EXPH5: variants seen among roughly 807,000 people sequenced by gnomAD.
EXPH5 encodes the protein exophilin-5.
A neutral mutation model predicts 41.1 loss-of-function variants in EXPH5; 42 were observed. That is an observed-to-expected ratio of 1.02 (90% confidence interval 0.80 to 1.32). The LOEUF (loss-of-function observed/expected upper bound fraction) is 1.32, where lower values mean the gene tolerates loss of function less well. Among genes scored for constraint, EXPH5 ranks in the 40% most tolerant of loss-of-function variants. EXPH5 has a pLI of 0.00. For missense variants in EXPH5, 2,298 were observed against 2,314.5 expected, an observed-to-expected ratio of 0.99 and a Z score of 0.15; for synonymous variants, 798 against 833.5, an observed-to-expected ratio of 0.96 and a Z score of 0.73.
chr11:108,512,925 T>C lies in EXPH5; in HGVS notation c.2582A>G (p.Tyr861Cys), dbSNP rs1282511716. The C allele has an allele frequency of 1.2e-6, 2 of 1,613,330 alleles. No homozygotes were observed. The highest frequency in any genetic ancestry group is 3.3e-5 in the Admixed American group (2 of 59,944). Reference protein sequence around the residue: ...SALTDTQNAQYSKCKLTPGHK... With the variant: ...SALTDTQNAQCSKCKLTPGHK... ...GCCAGGAGTTAACTTGCATTTTGAG[T>C]ATTGTGCATTTTGAGTATCAGTCAG... Residue 861 changes from tyrosine to cysteine, a missense_variant, in exon 6 of 6, where the codon TAC becomes TGC. Tyr to Cys is a radical substitution (Grantham distance 194, BLOSUM62 -2). Coordinates refer to ENST00000265843, the MANE Select transcript of EXPH5 (RefSeq NM_015065.3).
In EXPH5 at chr11:108,512,913, T is replaced by TTGCATTTTGAGTATTG; in HGVS notation, c.2578_2593dup (p.Lys865ThrfsTer16). ...CGAGGTCTTGTGGCCAGGAGTTAAC[T>TTGCATTTTGAGTATTG]TGCATTTTGAGTATTGTGCATTTTG... On this transcript the variant is annotated frameshift_variant, in exon 6 of 6. Transcript: ENST00000265843. LOFTEE classifies it low-confidence loss of function (END_TRUNC). 6.2e-7 allele frequency: 1 copy of TTGCATTTTGAGTATTG among 1,613,664 alleles called. No homozygotes were observed. The highest frequency in any genetic ancestry group is 2.2e-5 in the East Asian group (1 of 44,878).
chr11:108,509,460 C>T lies in EXPH5; in HGVS notation c.*77G>A, dbSNP rs929918081. ...GCCCAGACTAGATCTTTTATCCTTC[C>T]ATGCACATGCACATGTACACCTTAG... On this transcript the variant is annotated 3_prime_UTR_variant, in exon 6 of 6. Coordinates refer to ENST00000265843, the MANE Select transcript of EXPH5 (RefSeq NM_015065.3). 3 of 1,331,190 alleles carry T rather than the reference C, an allele frequency of 2.3e-6. No individual in the cohort carries two copies. Among genetic ancestry groups the T allele is most frequent in the Non-Finnish European group, 3.1e-6 (3 of 979,364 alleles). The allele number at this position is 1,331,190 out of a possible 1,614,324, so 82.5% of individuals were successfully genotyped here. A position where few individuals can be genotyped will look rare whatever the true frequency, so the allele number is the denominator to read the frequency against.
chr11:108,510,639 C>T lies in EXPH5; in HGVS notation c.4868G>A (p.Ser1623Asn). 6.2e-7 allele frequency: 1 copy of T among 1,614,150 alleles called. No homozygotes were observed. Residue 1623 changes from serine to asparagine, a missense_variant, in exon 6 of 6, where the codon AGT (serine) becomes AAT (asparagine). Transcript: ENST00000265843. ...ATGGTCAAAGCCAGATCTGCTTCCA[C>T]TTTGGGGGAAGATAGTAGCTACATG... is the stretch of plus-strand genomic sequence containing the variant. ...RRHVATIFPQ[S>N]GSRSGFDHLS...
At chr11:108,561,881 C>G (rs1488867897) in intron 1 of EXPH5, among the ~76,000 whole-genome samples, 4 of 152,162 alleles carry the variant, frequency 2.6e-5, no homozygotes, top group Non-Finnish European at 5.9e-5. Flanking sequence ...AGAAAATCAG[C>G]CCTGGCAATG....
Position 108,511,723 on chromosome 11 carries a change from TG to T in EXPH5, c.3783del (p.Ser1261ArgfsTer19). 1 of 1,608,928 alleles carries T rather than the reference TG, an allele frequency of 6.2e-7. No individual in the cohort carries two copies. Among genetic ancestry groups the T allele is most frequent in the Non-Finnish European group, 8.5e-7 (1 of 1,178,788 alleles). ...SIYYTLPRKP[S>X]KKFCNLLQQY... ...TGTTGAAGGAGGTTACAGAATTTTT[TG>T]CTGGGTTTCCTCGGTAGAGTGTAAT... On this transcript the variant is annotated frameshift_variant, in exon 6 of 6. Coordinates refer to ENST00000265843, the MANE Select transcript of EXPH5 (RefSeq NM_015065.3). LOFTEE classifies it low-confidence loss of function (END_TRUNC).
At chr11:108,560,748 GC>G (rs2136078171) in intron 1 of EXPH5, among the ~76,000 whole-genome samples, 1 of 152,294 alleles carries the variant, frequency 6.6e-6, no homozygotes, top group Non-Finnish European at 1.5e-5. Flanking sequence ...ATGAAATACT[GC>G]CAGCAGTACA....
In EXPH5 at chr11:108,509,461, A is replaced by G. The variant is rs1271931350; in HGVS notation, c.*76T>C. ...CCCAGACTAGATCTTTTATCCTTCC[A>G]TGCACATGCACATGTACACCTTAGT... On this transcript the variant is annotated 3_prime_UTR_variant, in exon 6 of 6. Coordinates refer to ENST00000265843, the MANE Select transcript of EXPH5 (RefSeq NM_015065.3). 6.0e-6 allele frequency: 8 copies of G among 1,342,216 alleles called. No individual in the cohort carries two copies. The highest frequency in any genetic ancestry group is 1.5e-5 in the African/African-American group (1 of 68,584). 83.1% of individuals were successfully genotyped at this position (1,342,216 alleles called of 1,614,324 possible).
intron 4 of EXPH5, among the ~76,000 whole-genome samples, chr11:108,519,818 C>A (rs979560516): frequency 1.3e-5 from 2 of 151,384 alleles, no homozygotes; most frequent in African/African-American, 2.4e-5. Context: ...GACATGGTGG[C>A]AGATGTCTGT....
rs1377280936 is a variant in EXPH5, at chr11:108,538,270, CT to C, written c.443+753del. The C allele has an allele frequency of 7.1e-6, 7 of 985,112 alleles. 1 individual carries two copies. The highest frequency in any genetic ancestry group is 5.2e-4 in the Middle Eastern group (1 of 1,938). The allele number at this position is 985,112 out of a possible 1,614,324, so 61.0% of individuals were successfully genotyped here. A position where few individuals can be genotyped will look rare whatever the true frequency, so the allele number is the denominator to read the frequency against. ...AACATATCACGTGCCAAGCCAACAC[CT>C]TAAGAGGGTGGGAAGCTTTGAAACC... On this transcript the variant is annotated intron_variant, in intron 3 of 5. Transcript: ENST00000265843.
At chr11:108,604,414 G>A in the EXPH5 span, among the ~76,000 whole-genome samples, 1 of 151,916 alleles carries the variant, frequency 6.6e-6, no homozygotes, top group South Asian at 2.1e-4. Flanking sequence ...GGCGGGGGGT[G>A]GGAGAGGGCT....
At chr11:108,569,484 C>T (rs2094050431) in intron 1 of EXPH5, among the ~76,000 whole-genome samples, 1 of 152,048 alleles carries the variant, frequency 6.6e-6, no homozygotes, top group African/African-American at 2.4e-5. Flanking sequence ...AGATTGCAGG[C>T]ACACGCCACC....
intron 3 of EXPH5, among the ~76,000 whole-genome samples, chr11:108,531,925 T>G (rs1299132558): frequency 6.6e-6 from 1 of 152,162 alleles, no homozygotes; most frequent in Non-Finnish European, 1.5e-5. Flanking sequence ...AGTTAAGACA[T>G]TTATCATCTT....
chr11:108,580,713 T>C (rs2136113132), intron 1 of EXPH5, among the ~76,000 whole-genome samples: 1 of 152,300 alleles, frequency 6.6e-6, no homozygotes, highest in South Asian at 2.1e-4. Context: ...TGTAGAATAC[T>C]ATTCAGCCAT....
the EXPH5 span, among the ~76,000 whole-genome samples, chr11:108,599,552 T>C: frequency 1.3e-5 from 2 of 152,232 alleles, no homozygotes; most frequent in African/African-American, 4.8e-5. Flanking sequence ...TTCTGAAAGT[T>C]CTTTGAGAAC....
intron 3 of EXPH5, among the ~76,000 whole-genome samples, chr11:108,528,518 C>T (rs962832912): frequency 3.2e-4 from 48 of 151,908 alleles, no homozygotes; most frequent in Middle Eastern, 3.2e-3. Flanking sequence ...GATCTTTGTG[C>T]GTGTTAATTC....
intron 1 of EXPH5, among the ~76,000 whole-genome samples, chr11:108,565,646 G>T (rs1205508291): frequency 6.6e-6 from 1 of 152,184 alleles, no homozygotes; most frequent in Admixed American, 6.5e-5. Context: ...TTACGTGAGG[G>T]TGCTGGGCCT....
chr11:108,510,066 T>A lies in EXPH5; in HGVS notation c.5441A>T (p.Lys1814Ile). The change falls in exon 6 of 6, where the codon AAA (lysine) becomes ATA (isoleucine). Residue 1814 changes from lysine to isoleucine, a missense_variant. Lys to Ile is a moderately radical substitution (Grantham distance 102, BLOSUM62 -3). Coordinates refer to ENST00000265843, the MANE Select transcript of EXPH5 (RefSeq NM_015065.3). ...TTCAGAAAAATGGCGCTCCCTGACT[T>A]TTGGAGGATGGCTTTTTCGTAGTAG... ...GDLLRKSHPP[K>I]VRERHFSEST... The A allele has an allele frequency of 4.3e-6, 7 of 1,612,010 alleles. No individual in the cohort carries two copies. The highest frequency in any genetic ancestry group is 1.3e-5 in the African/African-American group (1 of 74,858).
Position 108,538,864 on chromosome 11 carries a change from A to T in EXPH5, c.443+160T>A, listed in dbSNP as rs1045629217. Among the ~76,000 whole-genome samples, 8 of 152,308 alleles carry T rather than the reference A, an allele frequency of 5.3e-5. No individual in the cohort carries two copies. In the South Asian group the frequency reaches 1.7e-3, roughly 32 times the overall value. On this transcript the variant is annotated intron_variant, in intron 3 of 5. Coordinates refer to ENST00000265843, the MANE Select transcript of EXPH5 (RefSeq NM_015065.3). ...AGCCACATTTCATGGTTTCCTAAGA[A>T]CTTTGTCACTATGCAAGTTAAGTCC...
chr11:108,511,159 T>TC lies in EXPH5; in HGVS notation c.4347dup (p.Ser1450GlufsTer3). ...CCAGTAAATGGAATGGCTCTACCACTCCCTGTACACTCCCAAGAACTTCTT... is the reference window on the plus strand; with the variant it reads ...CCAGTAAATGGAATGGCTCTACCACTCCCCTGTACACTCCCAAGAACTTCTT... On this transcript the variant is annotated frameshift_variant, in exon 6 of 6. Coordinates refer to ENST00000265843, the MANE Select transcript of EXPH5 (RefSeq NM_015065.3). LOFTEE classifies it low-confidence loss of function (END_TRUNC). The TC allele has an allele frequency of 6.2e-7, 1 of 1,613,250 alleles. No individual in the cohort carries two copies. Among genetic ancestry groups the TC allele is most frequent in the Non-Finnish European group, 8.5e-7 (1 of 1,179,726 alleles).
Sources: gnomAD v4.1 joint callset for allele counts (sites outside exome capture counted in the v4.1 genomes callset) on GRCh38, gnomAD v4.1.1 for gene constraint, MANE v1.5 for transcripts, NCBI Gene and HGNC (gene_info 2026-07-23, HGNC 2026-07-21) for gene names.